Variants in TRAF3 observed in about 807,000 individuals in gnomAD.
The protein encoded by TRAF3 is TNF receptor-associated factor 3.
TRAF3 carries 13 observed loss-of-function variants against 62.3 expected under a neutral mutation model. That is an observed-to-expected ratio of 0.21 (90% confidence interval 0.14 to 0.33). The LOEUF is 0.33. Ranked by LOEUF, TRAF3 falls within the 10% of genes least tolerant of loss-of-function variation. The pLI is 1.00. For missense variants in TRAF3, 440 were observed against 741.8 expected (o/e 0.59, Z 4.73); for synonymous variants, 269 against 283.4 (o/e 0.95, Z 0.51).
intron 6 of TRAF3, among the ~76,000 whole-genome samples, chr14:102,884,997 G>A (rs1889292339): frequency 1.3e-5 from 2 of 152,162 alleles, no homozygotes; most frequent in Admixed American, 1.3e-4. Flanking sequence ...CTTGTTGAAA[G>A]TCGAACACAG....
chr14:102,841,779 C>T (rs1595352407), intron 2 of TRAF3, among the ~76,000 whole-genome samples: 1 of 152,094 alleles, frequency 6.6e-6, no homozygotes, highest in African/African-American at 2.4e-5. Flanking sequence ...TCAAGAGAAA[C>T]AGAACCCAGA....
intron 1 of TRAF3, among the ~76,000 whole-genome samples, chr14:102,800,975 G>A (rs1464497957): frequency 1.3e-5 from 2 of 151,860 alleles, no homozygotes; most frequent in African/African-American, 2.4e-5. Flanking sequence ...TCAGGAGATC[G>A]AGACCACGGT....
intron 1 of TRAF3, among the ~76,000 whole-genome samples, chr14:102,778,133 A>G (rs1052754525): frequency 1.3e-5 from 2 of 150,394 alleles, no homozygotes; most frequent in African/African-American, 2.4e-5. Flanking sequence ...GTTATTGGAA[A>G]GTTGGTCCTG....
intron 1 of TRAF3, among the ~76,000 whole-genome samples, chr14:102,793,848 A>G (rs1434784353): frequency 2.6e-5 from 4 of 152,258 alleles, no homozygotes; most frequent in African/African-American, 9.6e-5. Flanking sequence ...GATTTAAAAC[A>G]GTAATCTACT....
rs890235990 is a variant in TRAF3 at position 102,826,702 on chromosome 14, G to A, written c.-156-3632G>A. On this transcript the variant is annotated intron_variant, in intron 1 of 11. Transcript: ENST00000392745. The surrounding 1 kb of genome is among the most constrained non-coding windows in gnomAD (Gnocchi z 4.6). ...TTTAATTTGTTTATTCATTCGTGCA[G>A]TCCTTCACCTCACACCTGTTCAGGG... Among the ~76,000 whole-genome samples the A allele has an allele frequency of 6.6e-6, 1 of 152,176 alleles. No homozygotes were observed. The highest frequency in any genetic ancestry group is 2.4e-5 in the African/African-American group (1 of 41,438).
At chr14:102,850,772 C>T (rs1039611602) in intron 2 of TRAF3, among the ~76,000 whole-genome samples, 4 of 151,718 alleles carry the variant, frequency 2.6e-5, no homozygotes, top group South Asian at 2.1e-4. Flanking sequence ...TTGGCCCTTC[C>T]TTAGCTCAAA....
chr14:102,881,742 A>G (rs1398496902), intron 6 of TRAF3, among the ~76,000 whole-genome samples: 1 of 151,924 alleles, frequency 6.6e-6, no homozygotes, highest in Admixed American at 6.5e-5. Context: ...GGAACTTAAA[A>G]TAAATAAATA....
chr14:102,888,004 A>C (rs1889497474), intron 7 of TRAF3, among the ~76,000 whole-genome samples: 1 of 152,184 alleles, frequency 6.6e-6, no homozygotes, highest in Admixed American at 6.5e-5. Context: ...GATCCTGTAG[A>C]TTCCCCGAGA....
At chr14:102,794,323 T>C (rs760351352) in intron 1 of TRAF3, among the ~76,000 whole-genome samples, 17 of 152,204 alleles carry the variant, frequency 1.1e-4, no homozygotes, top group Non-Finnish European at 2.1e-4. Context: ...TACAGGTGCA[T>C]GCCACCTTGC....
In TRAF3 at chr14:102,862,346, C is replaced by T. The variant is rs1887725829; in HGVS notation, c.-17-7839C>T. Among the ~76,000 whole-genome samples the T allele has an allele frequency of 3.4e-5, 5 of 148,480 alleles. No individual in the cohort carries two copies. In the Admixed American group the frequency reaches 3.4e-4, roughly 10 times the overall value. ...CCCAGGAGTTGGAGACTGCCGTGAG[C>T]TATGATTGCACCACACTGCACTCCA... is the stretch of plus-strand genomic sequence containing the variant. On this transcript the variant is annotated intron_variant, in intron 2 of 11. Coordinates refer to ENST00000392745, the MANE Select transcript of TRAF3 (RefSeq NM_145725.3).
chr14:102,863,197 G>A (rs1475432805), intron 2 of TRAF3, among the ~76,000 whole-genome samples: 1 of 152,034 alleles, frequency 6.6e-6, no homozygotes, highest in Admixed American at 6.6e-5. Flanking sequence ...ATATTTTGTT[G>A]AAAACTGGAA....
chr14:102,858,236 C>CT (rs1318877655), intron 2 of TRAF3, among the ~76,000 whole-genome samples: 1 of 151,968 alleles, frequency 6.6e-6, no homozygotes, highest in Non-Finnish European at 1.5e-5. Flanking sequence ...ACTGCAACCT[C>CT]TGCCTCCTAG....
At chr14:102,855,820 G>A (rs939598110) in intron 2 of TRAF3, among the ~76,000 whole-genome samples, 5 of 150,394 alleles carry the variant, frequency 3.3e-5, no homozygotes. Context: ...GGCCAGGTAC[G>A]TTGGCTCATG....
intron 1 of TRAF3, among the ~76,000 whole-genome samples, chr14:102,819,987 G>A (rs1245728842): frequency 6.6e-6 from 1 of 152,194 alleles, no homozygotes; most frequent in Non-Finnish European, 1.5e-5. Context: ...ATTATGCAGC[G>A]TGCTGAAATA....
rs1042193229 is a variant in TRAF3, at chr14:102,894,321, G to A, written c.819+2904G>A. On this transcript the variant is annotated intron_variant, in intron 9 of 11. Coordinates refer to ENST00000392745, the MANE Select transcript of TRAF3 (RefSeq NM_145725.3). ...CAGCCTGGGTGACAGAGTGAGACTC[G>A]TCTCCAAAAAAAAAGACTGATCCTC... Among the ~76,000 whole-genome samples the A allele has an allele frequency of 9.2e-5, 14 of 151,724 alleles. 2 individuals carry two copies. In the Middle Eastern group the frequency reaches 0.017, roughly 184 times the overall value.
intron 1 of TRAF3, among the ~76,000 whole-genome samples, chr14:102,811,190 A>G (rs1028588864): frequency 6.6e-6 from 1 of 152,166 alleles, no homozygotes. Context: ...CTGATCCTTA[A>G]GGGGATGCCG....
chr14:102,806,422 A>G (rs1898776624), intron 1 of TRAF3, among the ~76,000 whole-genome samples: 1 of 152,212 alleles, frequency 6.6e-6, no homozygotes. Flanking sequence ...CATAATTTAC[A>G]TCAAAACTTT....
chr14:102,788,972 TAAAAAAG>T (rs1897645406), intron 1 of TRAF3, among the ~76,000 whole-genome samples: 2 of 152,172 alleles, frequency 1.3e-5, no homozygotes, highest in Admixed American at 1.3e-4. Flanking sequence ...ACCTATCTCT[TAAAAAAG>T]AAAAACAACT....
At chr14:102,866,892 C>G (rs7158901) in intron 2 of TRAF3, among the ~76,000 whole-genome samples, 41,497 of 146,456 alleles carry the variant, frequency 0.28, 7,169 homozygotes, top group African/African-American at 0.44. Flanking sequence ...CACACACACA[C>G]AAAACAATGA....
Sources: allele counts gnomAD v4.1 joint callset (sites outside exome capture counted in the v4.1 genomes callset), GRCh38; gene constraint gnomAD v4.1.1; non-coding constraint Gnocchi (gnomAD v3.1); transcripts MANE v1.5; gene names NCBI Gene and HGNC (gene_info 2026-07-23, HGNC 2026-07-21).